Variants in NAALADL2 observed in about 807,000 individuals in gnomAD.
NAALADL2 encodes the protein N-acetylated alpha-linked acidic dipeptidase like 2, also known as inactive N-acetylated-alpha-linked acidic dipeptidase-like protein 2.
In NAALADL2, 76 loss-of-function variants were observed where a neutral mutation model predicts 87.2. The observed-to-expected ratio is 0.87, with a 90% confidence interval of 0.72 to 1.05. The LOEUF is 1.05. NAALADL2 is among the 50% of genes least tolerant of loss of function. NAALADL2 has a pLI of 0.00. For synonymous variants in NAALADL2, 354 were observed against 331.0 expected, an observed-to-expected ratio of 1.07 and a Z score of -0.75; for missense variants, 1,089 against 945.8, an observed-to-expected ratio of 1.15 and a Z score of -1.99.
chr3:175,364,716 T>C (rs531026411), intron 5 of NAALADL2, among the ~76,000 whole-genome samples: 1 of 147,554 alleles, frequency 6.8e-6, no homozygotes, highest in African/African-American at 2.5e-5. Flanking sequence ...ACCCTTTTTT[T>C]TGAGTCAAGT....
chr3:174,757,121 A>G (rs1049252751), intron 3 of NAALADL2, among the ~76,000 whole-genome samples: 1 of 152,154 alleles, frequency 6.6e-6, no homozygotes, highest in African/African-American at 2.4e-5. Context: ...TTTGTGGTTG[A>G]TGTTAATATT....
intron 1 of NAALADL2, among the ~76,000 whole-genome samples, chr3:175,012,625 G>C (rs1483867855): frequency 6.6e-6 from 1 of 151,860 alleles, no homozygotes; most frequent in Non-Finnish European, 1.5e-5. Context: ...CAGCCCTCAG[G>C]CCAAATCTGG....
intron 11 of NAALADL2, among the ~76,000 whole-genome samples, chr3:175,667,743 G>GTTTTTTTTTTTTTTT (rs58514374): frequency 8.3e-6 from 1 of 120,052 alleles, no homozygotes; most frequent in African/African-American, 2.9e-5. Context: ...GTTTTTTGCT[G>GTTTTTTTTTTTTTTT]TTTTTTTTTT....
At position 175,745,187 on chromosome 3, in the gene NAALADL2, T is replaced by A. The variant is rs75184565; in HGVS notation, c.1990+7788T>A. Among the ~76,000 whole-genome samples the A allele has an allele frequency of 7.6e-3, 1,164 of 152,320 alleles. 5 individuals carry two copies. The highest frequency in any genetic ancestry group is 0.012 in the Non-Finnish European group (834 of 68,024). On this transcript the variant is annotated intron_variant, in intron 12 of 13. Coordinates refer to ENST00000454872, the MANE Select transcript of NAALADL2 (RefSeq NM_207015.3). ...AAGGATAATTTACCAGTGAATAATT[T>A]GTTTGGGTTGATTTATTGGATGGTT...
intron 1 of NAALADL2, among the ~76,000 whole-genome samples, chr3:174,882,474 TATGCATACATATGTGC>T: frequency 6.6e-6 from 1 of 151,376 alleles, no homozygotes; most frequent in East Asian, 2.0e-4. Flanking sequence ...TACATATGTG[TATGCATACATATGTGC>T]ATATACATAT....
At chr3:175,551,420 G>GCA (rs1714337841) in intron 9 of NAALADL2, among the ~76,000 whole-genome samples, 2 of 152,026 alleles carry the variant, frequency 1.3e-5, no homozygotes, top group African/African-American at 4.8e-5. Flanking sequence ...CATGTCAATT[G>GCA]GATATATAAA....
At chr3:174,701,883 A>G (rs1729584876) in intron 2 of NAALADL2, among the ~76,000 whole-genome samples, 1 of 152,182 alleles carries the variant, frequency 6.6e-6, no homozygotes, top group Non-Finnish European at 1.5e-5. Flanking sequence ...GCAATTACAA[A>G]AAAGATGCTT....
In NAALADL2 at chr3:175,234,121, C is replaced by A. The variant is rs1397481883; in HGVS notation, c.736C>A (p.Pro246Thr). The change falls in exon 3 of 14, where the codon CCT (proline) becomes ACT (threonine). Residue 246 changes from proline to threonine, a missense_variant. Transcript: ENST00000454872. ...TCAATGCTTTCATCCTAATGGCCAG[C>A]CTTGCAGTGAAGAAGCCAGAAAAGA... ...SGQCFHPNGQPCSEEARKDSS... is the reference protein window; with the variant it reads ...SGQCFHPNGQTCSEEARKDSS... 1.9e-6 allele frequency: 3 copies of A among 1,613,864 alleles called. No individual in the cohort carries two copies. The highest frequency in any genetic ancestry group is 2.5e-6 in the Non-Finnish European group (3 of 1,179,826).
chr3:175,300,408 C>A (rs1374241487), intron 4 of NAALADL2, among the ~76,000 whole-genome samples: 1 of 152,166 alleles, frequency 6.6e-6, no homozygotes, highest in Non-Finnish European at 1.5e-5. Flanking sequence ...AGCTGTGAAT[C>A]CATCTGGTCT....
chr3:175,169,847 T>G (rs1734542106), intron 2 of NAALADL2, among the ~76,000 whole-genome samples: 1 of 151,858 alleles, frequency 6.6e-6, no homozygotes, highest in Non-Finnish European at 1.5e-5. Flanking sequence ...GTTAAGTTTC[T>G]GATATAGCTT....
chr3:175,270,388 G>A (rs1361088806), intron 4 of NAALADL2, among the ~76,000 whole-genome samples: 2 of 152,146 alleles, frequency 1.3e-5, no homozygotes, highest in Admixed American at 6.6e-5. Context: ...TGGTCATTAC[G>A]GTTAAATCAC....
chr3:174,487,985 A>G (rs1277073871), intron 1 of NAALADL2, among the ~76,000 whole-genome samples: 1 of 152,048 alleles, frequency 6.6e-6, no homozygotes, highest in Non-Finnish European at 1.5e-5. Flanking sequence ...TGTCAAGTTT[A>G]TGAGTAATGA....
At chr3:175,618,278 C>T (rs1395565119) in intron 10 of NAALADL2, among the ~76,000 whole-genome samples, 1 of 152,094 alleles carries the variant, frequency 6.6e-6, no homozygotes, top group African/African-American at 2.4e-5. Context: ...ATTCACAAGG[C>T]ATCTCTTGTA....
intron 3 of NAALADL2, among the ~76,000 whole-genome samples, chr3:174,757,530 C>A (rs1025083862): frequency 6.6e-6 from 1 of 151,576 alleles, no homozygotes; most frequent in Non-Finnish European, 1.5e-5. Flanking sequence ...CTCGCTCTGT[C>A]GCCCAGGCTG....
chr3:174,620,586 A>G (rs1720906553), intron 2 of NAALADL2, among the ~76,000 whole-genome samples: 1 of 152,036 alleles, frequency 6.6e-6, no homozygotes, highest in African/African-American at 2.4e-5. Flanking sequence ...TACTATTAAC[A>G]GAGAATATTT....
chr3:175,476,342 G>A (rs1162121116), intron 9 of NAALADL2, among the ~76,000 whole-genome samples: 1 of 152,100 alleles, frequency 6.6e-6, no homozygotes, highest in Non-Finnish European at 1.5e-5. Flanking sequence ...AAATGCCCCT[G>A]TTGCCCAGGA....
chr3:175,705,434 G>A (rs1239272119), intron 11 of NAALADL2, among the ~76,000 whole-genome samples: 1 of 151,770 alleles, frequency 6.6e-6, no homozygotes, highest in Non-Finnish European at 1.5e-5. Context: ...GGATCTTTTA[G>A]ACAGAGCTCC....
intron 1 of NAALADL2, among the ~76,000 whole-genome samples, chr3:174,918,264 G>A (rs951549483): frequency 3.3e-5 from 5 of 151,808 alleles, no homozygotes; most frequent in African/African-American, 1.2e-4. Flanking sequence ...CTAGATTTTG[G>A]AAAACAGTAG....
At chr3:174,803,013 G>A (rs1450776963) in intron 3 of NAALADL2, among the ~76,000 whole-genome samples, 1 of 151,994 alleles carries the variant, frequency 6.6e-6, no homozygotes, top group East Asian at 1.9e-4. Flanking sequence ...GGGATTGCTG[G>A]GTCAAATGAT....
Sources: gnomAD v4.1 joint callset for allele counts (sites outside exome capture counted in the v4.1 genomes callset) on GRCh38, gnomAD v4.1.1 for gene constraint, MANE v1.5 for transcripts, NCBI Gene and HGNC (gene_info 2026-07-23, HGNC 2026-07-21) for gene names.